The following MAP2K4 variants were observed in gnomAD, a reference collection of about 807,000 sequenced individuals.
MAP2K4 encodes the protein dual specificity mitogen-activated protein kinase kinase 4.
In MAP2K4, 4 loss-of-function variants were observed where a neutral mutation model predicts 48.5. The ratio of observed to expected loss-of-function variants is 0.08; its 90% CI spans 0.04 to 0.19. MAP2K4 has a LOEUF of 0.19. Ranked by LOEUF, MAP2K4 falls within the 10% of genes least tolerant of loss-of-function variation. The probability of loss-of-function intolerance (pLI) is 1.00; values close to 1 mark genes in which losing one functional copy is unlikely to be tolerated. For missense variants in MAP2K4, 258 were observed against 493.3 expected (o/e 0.52, Z 4.52); for synonymous variants, 166 against 173.1 (o/e 0.96, Z 0.32).
At chr17:12,079,596 CTG>C (rs2033810303) in intron 2 of MAP2K4, among the ~76,000 whole-genome samples, 1 of 152,134 alleles carries the variant, frequency 6.6e-6, no homozygotes, top group African/African-American at 2.4e-5. Flanking sequence ...TTAGCGAACA[CTG>C]TAAAAAATTT....
chr17:12,045,853 T>C (rs745680644), intron 1 of MAP2K4, among the ~76,000 whole-genome samples: 10 of 152,208 alleles, frequency 6.6e-5, no homozygotes, highest in Non-Finnish European at 1.3e-4. Flanking sequence ...TCTGTTGATA[T>C]ACTCACAAGT....
At chr17:12,095,439 T>G (rs1287372430) in intron 3 of MAP2K4, 136 bp from the exon 4 acceptor site, 1 of 883,098 alleles carries the variant, frequency 1.1e-6, no homozygotes, top group Non-Finnish European at 1.8e-6. Context: ...AAGATGATAA[T>G]TTTCATATCT....
intron 3 of MAP2K4, among the ~76,000 whole-genome samples, chr17:12,084,908 T>G (rs1322650961): frequency 6.6e-6 from 1 of 150,652 alleles, no homozygotes; most frequent in Non-Finnish European, 1.5e-5. Flanking sequence ...CCACAGAAAA[T>G]CTAGGGACAC....
At chr17:12,125,395 T>A (rs1271030718) in intron 8 of MAP2K4, 24 bp downstream of exon 8, 6 of 1,591,188 alleles carry the variant, frequency 3.8e-6, no homozygotes, top group Non-Finnish European at 5.2e-6. Context: ...GATTCAACCT[T>A]GCCACAGTAG....
At chr17:12,095,075 A>G (rs902725035) in intron 3 of MAP2K4, among the ~76,000 whole-genome samples, 3 of 152,128 alleles carry the variant, frequency 2.0e-5, no homozygotes, top group Non-Finnish European at 2.9e-5. Context: ...CCGGTTCTGG[A>G]CTATTTCCCG....
At chr17:12,086,606 A>G (rs1307496624) in intron 3 of MAP2K4, among the ~76,000 whole-genome samples, 3 of 152,194 alleles carry the variant, frequency 2.0e-5, no homozygotes, top group East Asian at 3.9e-4. Flanking sequence ...CTGCAGCCAT[A>G]TTGGAAGCCC....
chr17:12,095,542 G>GT (rs759720061), intron 3 of MAP2K4, 33 bp from the exon 4 acceptor site: 23 of 1,611,926 alleles, frequency 1.4e-5, no homozygotes, highest in Non-Finnish European at 1.8e-5. Context: ...AAATTATTGT[G>GT]TTTTTTTGAC....
At chr17:12,035,200 T>A (rs931020108) in intron 1 of MAP2K4, among the ~76,000 whole-genome samples, 1 of 152,232 alleles carries the variant, frequency 6.6e-6, no homozygotes, top group Non-Finnish European at 1.5e-5. Flanking sequence ...AACTTTATGG[T>A]AAAAGTGGTC....
At chr17:12,048,955 C>T (rs185885417) in intron 1 of MAP2K4, among the ~76,000 whole-genome samples, 104 of 152,220 alleles carry the variant, frequency 6.8e-4, no homozygotes, top group Admixed American at 1.5e-3. Flanking sequence ...CCGTGCCTGA[C>T]CTAACATCTC....
intron 1 of MAP2K4, among the ~76,000 whole-genome samples, chr17:12,029,606 T>C (rs925673316): frequency 6.6e-6 from 1 of 152,084 alleles, no homozygotes; most frequent in Admixed American, 6.6e-5. Context: ...AGTAAGTGAA[T>C]AGGAAGTCAG....
intron 1 of MAP2K4, among the ~76,000 whole-genome samples, chr17:12,030,483 A>G (rs1016141939): frequency 9.9e-5 from 15 of 152,192 alleles, no homozygotes; most frequent in African/African-American, 3.6e-4. Flanking sequence ...AGCTACTTAT[A>G]TAGATTCTGT....
At chr17:12,093,049 G>A (rs1971614847) in intron 3 of MAP2K4, among the ~76,000 whole-genome samples, 1 of 152,038 alleles carries the variant, frequency 6.6e-6, no homozygotes, top group Non-Finnish European at 1.5e-5. Context: ...AGCTGTATTT[G>A]TTCAATTCCA....
At chr17:12,066,855 A>G (rs1970633038) in intron 2 of MAP2K4, among the ~76,000 whole-genome samples, 1 of 151,982 alleles carries the variant, frequency 6.6e-6, no homozygotes, top group Non-Finnish European at 1.5e-5. Flanking sequence ...GCGCCCGGCT[A>G]ATTTTTTGTA....
chr17:12,066,171 A>C (rs1358996476), intron 2 of MAP2K4, among the ~76,000 whole-genome samples: 2 of 151,856 alleles, frequency 1.3e-5, no homozygotes, highest in Non-Finnish European at 2.9e-5. Flanking sequence ...AGTATAAAGA[A>C]GAAAGCCAAA....
chr17:12,131,248 T>C (rs1380797736), intron 9 of MAP2K4, among the ~76,000 whole-genome samples: 20 of 151,622 alleles, frequency 1.3e-4, no homozygotes, highest in Non-Finnish European at 1.3e-4. Flanking sequence ...TTTTTTTTTT[T>C]TTTCTTTCTT....
intron 7 of MAP2K4, chr17:12,115,681 TGTA>T: frequency 1.3e-6 from 1 of 757,626 alleles, no homozygotes; most frequent in Admixed American, 1.7e-5. Flanking sequence ...GGAACACAAA[TGTA>T]GTAGAACAAA....
chr17:12,056,587 G>T (rs1686964137), intron 2 of MAP2K4, among the ~76,000 whole-genome samples: 1 of 152,060 alleles, frequency 6.6e-6, no homozygotes, highest in African/African-American at 2.4e-5. Context: ...TTTAGAGCTT[G>T]ATTCTGGTAT....
chr17:12,046,868 G>A (rs1018290750), intron 1 of MAP2K4, among the ~76,000 whole-genome samples: 3 of 152,004 alleles, frequency 2.0e-5, no homozygotes, highest in African/African-American at 7.2e-5. Flanking sequence ...GCTTGGAAGC[G>A]AGTTTTGGGC....
intron 9 of MAP2K4, among the ~76,000 whole-genome samples, chr17:12,131,382 G>A (rs946343478): frequency 6.6e-6 from 1 of 151,690 alleles, no homozygotes; most frequent in Non-Finnish European, 1.5e-5. Flanking sequence ...AGTACTGCTG[G>A]GATTACAGGC....
Sources: gnomAD v4.1 joint callset for allele counts (sites outside exome capture counted in the v4.1 genomes callset) on GRCh38, gnomAD v4.1.1 for gene constraint, MANE v1.5 for transcripts, NCBI Gene and HGNC (gene_info 2026-07-23, HGNC 2026-07-21) for gene names.